Variants in NFKB1 observed in about 807,000 individuals in gnomAD.
The protein encoded by NFKB1 is nuclear factor kappa B subunit 1.
A neutral mutation model predicts 105.1 loss-of-function variants in NFKB1; 9 were observed. That is an observed-to-expected ratio of 0.09 (90% CI 0.05 to 0.15). The LOEUF (loss-of-function observed/expected upper bound fraction) is 0.15. Among genes scored for constraint, NFKB1 ranks in the 10% least tolerant of loss-of-function variants. The pLI is 1.00. For synonymous variants in NFKB1, 440 were observed against 442.2 expected (o/e 1.00, Z 0.06); for missense variants, 830 against 1,203.7 (o/e 0.69, Z 4.59).
rs779028730 is a variant in NFKB1, at chr4:102,617,212, T to A, written c.*618T>A. The A allele has an allele frequency of 6.6e-6, 1 of 152,524 alleles. No homozygotes were observed. The highest frequency in any genetic ancestry group is 1.5e-5 in the Non-Finnish European group (1 of 68,012). The allele number at this position is 152,524 out of a possible 1,614,324, so 9.4% of individuals were successfully genotyped here. ...TGCTATTGTAAATATGTTTTTTAGA[T>A]CAAATACTTTAAAGGAAAAAATGTT... On this transcript the variant is annotated 3_prime_UTR_variant, in exon 24 of 24. Coordinates refer to ENST00000226574, the MANE Select transcript of NFKB1 (RefSeq NM_003998.4).
intron 5 of NFKB1, among the ~76,000 whole-genome samples, chr4:102,559,951 A>G (rs1005265414): frequency 6.6e-6 from 1 of 151,692 alleles, no homozygotes; most frequent in Non-Finnish European, 1.5e-5. Context: ...AAAAAAAAAA[A>G]AAAAGAAAGA....
chr4:102,510,917 A>C (rs1414633696), intron 1 of NFKB1: 7 of 1,284,468 alleles, frequency 5.4e-6, no homozygotes, highest in Non-Finnish European at 7.1e-6. Flanking sequence ...AAAAGACAGA[A>C]GCATATCTTG....
At position 102,537,968 on chromosome 4, in the gene NFKB1, G is replaced by C; in HGVS notation, c.258+12G>C. Reference sequence around the variant, plus strand: ...ACCCTCAGGTCAAAGTAAGTTTGTGGTAGCTCTCCTTCTATTTGAATTCTG... The same window carrying C: ...ACCCTCAGGTCAAAGTAAGTTTGTGCTAGCTCTCCTTCTATTTGAATTCTG... On this transcript the variant is annotated intron_variant, in intron 5 of 23. Transcript: ENST00000226574. 4 of 1,489,522 alleles carry C rather than the reference G, an allele frequency of 2.7e-6. No individual in the cohort carries two copies. Among genetic ancestry groups the C allele is most frequent in the Non-Finnish European group, 3.7e-6 (4 of 1,067,980 alleles). The allele number at this position is 1,489,522 out of a possible 1,614,324, so 92.3% of individuals were successfully genotyped here. A position where few individuals can be genotyped will look rare whatever the true frequency, so the allele number is the denominator to read the frequency against.
At chr4:102,512,498 A>G (rs1739847086) in intron 1 of NFKB1, among the ~76,000 whole-genome samples, 1 of 152,112 alleles carries the variant, frequency 6.6e-6, no homozygotes, top group African/African-American at 2.4e-5. Context: ...ACAGGCATGC[A>G]CCACCACACC....
At chr4:102,607,387 A>G in intron 18 of NFKB1, 68 bp downstream of exon 18, 4 of 1,546,794 alleles carry the variant, frequency 2.6e-6, no homozygotes, top group Non-Finnish European at 3.5e-6. Flanking sequence ...CTTTTCAAAG[A>G]AGGAAGTCAG....
chr4:102,541,041 C>A (rs1447346579), intron 5 of NFKB1, among the ~76,000 whole-genome samples: 2 of 152,150 alleles, frequency 1.3e-5, no homozygotes, highest in African/African-American at 4.8e-5. Flanking sequence ...TAAAGTTTCT[C>A]AAACTTGGCA....
intron 5 of NFKB1, among the ~76,000 whole-genome samples, chr4:102,557,450 G>T (rs1723070504): frequency 6.6e-6 from 1 of 152,132 alleles, no homozygotes; most frequent in Non-Finnish European, 1.5e-5. Flanking sequence ...GCTCTTTATT[G>T]AAACATACTC....
intron 23 of NFKB1, among the ~76,000 whole-genome samples, chr4:102,615,230 T>C (rs926798506): frequency 6.6e-6 from 1 of 152,200 alleles, no homozygotes; most frequent in African/African-American, 2.4e-5. Flanking sequence ...TGTTCGAGGT[T>C]TTAAAGATAA....
At chr4:102,556,987 G>A (rs991563929) in intron 5 of NFKB1, 6 of 152,186 alleles carry the variant, frequency 3.9e-5, no homozygotes, top group Admixed American at 3.9e-4. Flanking sequence ...GGTAATTCAA[G>A]AAGATCAGGA....
intron 5 of NFKB1, among the ~76,000 whole-genome samples, chr4:102,556,078 C>T (rs1285408940): frequency 1.3e-5 from 2 of 152,106 alleles, no homozygotes; most frequent in Non-Finnish European, 2.9e-5. Flanking sequence ...AGTTTGGCAA[C>T]TGGTTAAACA....
intron 7 of NFKB1, chr4:102,577,868 C>G (rs1398319141): frequency 1.0e-6 from 1 of 985,162 alleles, no homozygotes; most frequent in Non-Finnish European, 1.2e-6. Context: ...GTCTCTGTCC[C>G]TCCCCACTTC....
At chr4:102,560,157 G>A (rs528480053) in intron 5 of NFKB1, among the ~76,000 whole-genome samples, 2 of 152,254 alleles carry the variant, frequency 1.3e-5, no homozygotes, top group African/African-American at 4.8e-5. Flanking sequence ...CAAACGTAAA[G>A]ATTTATTTGT....
At chr4:102,527,900 A>T (rs920132353) in intron 2 of NFKB1, among the ~76,000 whole-genome samples, 1 of 152,106 alleles carries the variant, frequency 6.6e-6, no homozygotes, top group African/African-American at 2.4e-5. Flanking sequence ...GAAAACATTC[A>T]TTTTGAAAGT....
chr4:102,606,291 T>C (rs979976385), intron 16 of NFKB1, among the ~76,000 whole-genome samples: 1 of 152,250 alleles, frequency 6.6e-6, no homozygotes, highest in Non-Finnish European at 1.5e-5. Flanking sequence ...AATTATTGAA[T>C]GGCTAAGTGT....
chr4:102,514,738 G>T (rs113417051), intron 1 of NFKB1, among the ~76,000 whole-genome samples: 7 of 152,098 alleles, frequency 4.6e-5, no homozygotes, highest in South Asian at 4.2e-4. Flanking sequence ...GTTCTGCCAC[G>T]TTTTTGCTTC....
chr4:102,606,555 G>A lies in NFKB1; in HGVS notation c.1812G>A (p.Arg604=), dbSNP rs1381674703. The A allele has an allele frequency of 6.2e-7, 1 of 1,614,164 alleles. No individual in the cohort carries two copies. The part of the protein sequence containing the change: ...KQEDVVEDLL[R]AGADLSLLDR... ...AAGATGTGGTGGAGGATTTGCTGAG[G>A]GCTGGGGCCGACCTGAGCCTTCTGG... The change falls in exon 17 of 24, where the codon AGG becomes AGA. Residue 604 remains arginine (R), a synonymous_variant. Transcript: ENST00000226574.
intron 16 of NFKB1, among the ~76,000 whole-genome samples, chr4:102,602,735 A>C (rs757689328): frequency 9.9e-5 from 15 of 152,194 alleles, no homozygotes; most frequent in Non-Finnish European, 2.1e-4. Flanking sequence ...TTGTCAAAGG[A>C]AAAGTAAAGT....
intron 1 of NFKB1, among the ~76,000 whole-genome samples, chr4:102,519,182 A>G (rs1304561999): frequency 6.6e-6 from 1 of 151,350 alleles, no homozygotes; most frequent in Non-Finnish European, 1.5e-5. Context: ...GAAGGAAGGA[A>G]AACATTCAGG....
At position 102,565,518 on chromosome 4, in the gene NFKB1, G is replaced by T. The variant is rs141888826; in HGVS notation, c.259-1469G>T. ...CCAAAACCCTGCTTCAATAAAATAT[G>T]AATCCATTTAATGAAGTTTATAGTA... is the stretch of plus-strand genomic sequence containing the variant. On this transcript the variant is annotated intron_variant, in intron 5 of 23. Coordinates refer to ENST00000226574, the MANE Select transcript of NFKB1 (RefSeq NM_003998.4). Among the ~76,000 whole-genome samples the T allele has an allele frequency of 3.1e-3, 477 of 152,294 alleles. 6 individuals carry two copies. The highest frequency in any genetic ancestry group is 0.011 in the African/African-American group (466 of 41,542).
Sources: gnomAD v4.1 joint callset for allele counts (sites outside exome capture counted in the v4.1 genomes callset) on GRCh38, gnomAD v4.1.1 for gene constraint, MANE v1.5 for transcripts, NCBI Gene and HGNC (gene_info 2026-07-23, HGNC 2026-07-21) for gene names.